Variants in SPIRE1 observed in about 807,000 individuals in gnomAD.
SPIRE1 encodes protein spire homolog 1.
Under a neutral mutation model 94.1 loss-of-function variants are expected in SPIRE1, and 40 were observed. The observed-to-expected ratio is 0.43, with a 90% CI of 0.33 to 0.55. SPIRE1 has a LOEUF of 0.55. Ranked by LOEUF, SPIRE1 falls within the 20% of genes least tolerant of loss-of-function variation. The probability of loss-of-function intolerance (pLI) is 0.06; values close to 1 mark genes in which losing one functional copy is unlikely to be tolerated. For synonymous variants in SPIRE1, 376 were observed against 371.7 expected, an observed-to-expected ratio of 1.01 and a Z score of -0.13; for missense variants, 838 against 975.2, an observed-to-expected ratio of 0.86 and a Z score of 1.87.
chr18:12,588,854 T>C (rs1294835032), intron 2 of SPIRE1, among the ~76,000 whole-genome samples: 1 of 152,242 alleles, frequency 6.6e-6, no homozygotes, highest in Non-Finnish European at 1.5e-5. Context: ...TTTCTTTTCC[T>C]ACTTTAGATA....
chr18:12,578,708 C>T (rs1330961978), intron 2 of SPIRE1, among the ~76,000 whole-genome samples: 1 of 152,126 alleles, frequency 6.6e-6, no homozygotes, highest in Admixed American at 6.6e-5. Context: ...CGATGTGTAG[C>T]CCTGGGTCAA....
At chr18:12,510,997 G>A (rs1412134911) in intron 5 of SPIRE1, among the ~76,000 whole-genome samples, 2 of 152,122 alleles carry the variant, frequency 1.3e-5, no homozygotes, top group Non-Finnish European at 1.5e-5. Flanking sequence ...TGTGTCACAT[G>A]AATAAACCAC....
At chr18:12,598,417 G>A (rs2036738321) in intron 2 of SPIRE1, among the ~76,000 whole-genome samples, 1 of 151,584 alleles carries the variant, frequency 6.6e-6, no homozygotes, top group African/African-American at 2.4e-5. Context: ...GGCAGTATCT[G>A]TCCTAACATA....
chr18:12,655,536 A>G (rs965711374), intron 1 of SPIRE1, among the ~76,000 whole-genome samples: 1 of 152,232 alleles, frequency 6.6e-6, no homozygotes, highest in Admixed American at 6.5e-5. Context: ...GCAGGTCATG[A>G]GCAGAACTGA....
intron 4 of SPIRE1, among the ~76,000 whole-genome samples, chr18:12,525,952 T>A (rs1208560836): frequency 1.3e-5 from 2 of 151,788 alleles, no homozygotes; most frequent in Non-Finnish European, 2.9e-5. Flanking sequence ...TTAGAGATCA[T>A]CATATGCTCA....
intron 12 of SPIRE1, among the ~76,000 whole-genome samples, chr18:12,457,120 C>T (rs746091744): frequency 7.2e-5 from 11 of 152,096 alleles, no homozygotes; most frequent in African/African-American, 1.7e-4. Context: ...CATGAGCAAC[C>T]GCGCCTGGCC....
At chr18:12,490,947 G>A (rs1216598736) in intron 8 of SPIRE1, among the ~76,000 whole-genome samples, 1 of 151,968 alleles carries the variant, frequency 6.6e-6, no homozygotes, top group African/African-American at 2.4e-5. Context: ...GGCAAAAAAA[G>A]AAATAAAAGG....
chr18:12,592,661 T>A (rs1412189674), intron 2 of SPIRE1, among the ~76,000 whole-genome samples: 1 of 152,192 alleles, frequency 6.6e-6, no homozygotes, highest in South Asian at 2.1e-4. Flanking sequence ...CCTGTCTCTA[T>A]CTTAATATAA....
chr18:12,631,820 G>A (rs192825361), intron 2 of SPIRE1, among the ~76,000 whole-genome samples: 69 of 152,214 alleles, frequency 4.5e-4, no homozygotes, highest in African/African-American at 1.1e-3. Context: ...AGCCAAGATC[G>A]CACCTCTGCA....
At chr18:12,459,703 G>A (rs891741943) in intron 12 of SPIRE1, 10 of 960,462 alleles carry the variant, frequency 1.0e-5, no homozygotes, top group Middle Eastern at 5.3e-4. Context: ...AGGTGTCACC[G>A]TCAGAGATAC....
At chr18:12,452,130 A>G in intron 16 of SPIRE1, 125 bp downstream of exon 16, 3 of 1,195,138 alleles carry the variant, frequency 2.5e-6, no homozygotes, top group Admixed American at 2.6e-5. Context: ...GTAAAACTGT[A>G]TTAAAACCAA....
intron 4 of SPIRE1, among the ~76,000 whole-genome samples, chr18:12,533,025 A>T (rs2034730836): frequency 6.6e-6 from 1 of 152,246 alleles, no homozygotes; most frequent in Non-Finnish European, 1.5e-5. Context: ...AAGAGAAAGC[A>T]CTACCCTTAG....
chr18:12,574,304 G>T (rs903656977), intron 2 of SPIRE1, among the ~76,000 whole-genome samples: 1 of 152,156 alleles, frequency 6.6e-6, no homozygotes, highest in African/African-American at 2.4e-5. Flanking sequence ...GATTAAAAAT[G>T]GGCCAGAGCA....
chr18:12,452,542 C>T lies in SPIRE1; in HGVS notation c.1848-30G>A, dbSNP rs141110572. On this transcript the variant is annotated intron_variant, in intron 14 of 16. Coordinates refer to ENST00000409402, the MANE Select transcript of SPIRE1 (RefSeq NM_001128626.2). Reference sequence around the variant, plus strand: ...AAACAAAATCATAAATGTTATTTGGCATGATACCAGGGGACGCAACTGGGA... The same window carrying T: ...AAACAAAATCATAAATGTTATTTGGTATGATACCAGGGGACGCAACTGGGA... 2.6e-4 allele frequency: 421 copies of T among 1,613,406 alleles called. 1 individual carries two copies. Among genetic ancestry groups the T allele is most frequent in the Middle Eastern group, 2.0e-3 (12 of 6,062 alleles).
chr18:12,517,618 C>T (rs915397420), intron 4 of SPIRE1, among the ~76,000 whole-genome samples: 1 of 152,082 alleles, frequency 6.6e-6, no homozygotes, highest in East Asian at 1.9e-4. Context: ...TTGGGAGAAC[C>T]CACATGGCAA....
At chr18:12,516,889 TG>T (rs1211650252) in intron 4 of SPIRE1, among the ~76,000 whole-genome samples, 1 of 152,212 alleles carries the variant, frequency 6.6e-6, no homozygotes, top group East Asian at 1.9e-4. Context: ...CCTTTATTTG[TG>T]CTGTGATCAA....
Position 12,622,612 on chromosome 18 carries a change from C to T in SPIRE1, c.372+12450G>A, listed in dbSNP as rs28533593. Among the ~76,000 whole-genome samples the T allele has an allele frequency of 2.5e-3, 373 of 150,154 alleles. 5 individuals carry two copies. Among genetic ancestry groups the T allele is most frequent in the African/African-American group, 8.7e-3 (359 of 41,268 alleles). On this transcript the variant is annotated intron_variant, in intron 2 of 16. Transcript: ENST00000409402. ...TAATTTTTTGTATTTTTAGTAGAGA[C>T]AGGGTTTCACTGTGTTAGCCAGGAT...
chr18:12,591,968 C>CA (rs35668057), intron 2 of SPIRE1, among the ~76,000 whole-genome samples: 7,672 of 67,128 alleles, frequency 0.11, 537 homozygotes, highest in East Asian at 0.29. Context: ...GACTCCATCT[C>CA]AAAAAAAAAA....
chr18:12,452,757 C>T (rs1383509265), intron 14 of SPIRE1: 3 of 605,574 alleles, frequency 5.0e-6, no homozygotes, highest in African/African-American at 1.9e-5. Flanking sequence ...ATTTGTCTAT[C>T]CAGGGATCAC....
Sources: allele counts gnomAD v4.1 joint callset (sites outside exome capture counted in the v4.1 genomes callset), GRCh38; gene constraint gnomAD v4.1.1; transcripts MANE v1.5; gene names NCBI Gene and HGNC (gene_info 2026-07-23, HGNC 2026-07-21).